Variants in KDELR3 observed in about 807,000 individuals in gnomAD.
KDELR3 encodes the protein ER lumen protein-retaining receptor 3.
KDELR3 carries 26 observed loss-of-function variants against 22.7 expected under a neutral mutation model. The observed-to-expected ratio is 1.15, with a 90% CI of 0.84 to 1.59. The LOEUF is 1.59. Ranked by LOEUF, KDELR3 falls within the 40% of genes most tolerant of loss-of-function variation. KDELR3 has a pLI of 0.00. For missense variants in KDELR3, 289 were observed against 251.1 expected (o/e 1.15, Z -1.02); for synonymous variants, 120 against 98.2 (o/e 1.22, Z -1.31).
chr22:38,469,874 C>G (rs566067388), intron 1 of KDELR3, among the ~76,000 whole-genome samples: 1 of 152,218 alleles, frequency 6.6e-6, no homozygotes, highest in African/African-American at 2.4e-5. Flanking sequence ...AGCTGAAGTA[C>G]TGTGGTGTGA....
Position 38,479,582 on chromosome 22 carries a change from T to C in KDELR3, c.193-11T>C. ...CATAGATTCGATTCCCATGTCTCTC[T>C]CCCCTTTTAGGTGGTTTTTCTCCTC... On this transcript the variant is annotated splice_polypyrimidine_tract_variant and intron_variant, in intron 2 of 4. Coordinates refer to ENST00000216014, the MANE Select transcript of KDELR3 (RefSeq NM_006855.4). The C allele has an allele frequency of 1.2e-6, 2 of 1,609,218 alleles. No individual in the cohort carries two copies. Among genetic ancestry groups the C allele is most frequent in the East Asian group, 2.2e-5 (1 of 44,820 alleles).
rs2089585911 is a variant in KDELR3, at chr22:38,479,713, C to T, written c.313C>T (p.Leu105Phe). 6.2e-7 allele frequency: 1 copy of T among 1,614,176 alleles called. No homozygotes were observed. Among genetic ancestry groups the T allele is most frequent in the South Asian group, 1.1e-5 (1 of 91,076 alleles). Residue 105 changes from leucine (L) to phenylalanine (F), a missense_variant, in exon 3 of 5, where the codon CTT becomes TTT. Physicochemically the swap from Leu to Phe is conservative, Grantham distance 22. Coordinates refer to ENST00000216014, the MANE Select transcript of KDELR3 (RefSeq NM_006855.4). ...GTTTCTTCTGGTCCCAGTCATTGGC[C>T]TTTCCTTCCTTGAAAACTACAGTTT... ...LEFLLVPVIGLSFLENYSFTL... is the reference protein window; with the variant it reads ...LEFLLVPVIGFSFLENYSFTL...
Position 38,474,555 on chromosome 22 carries a change from C to T in KDELR3, c.124C>T (p.Leu42Phe). 1 of 1,614,090 alleles carries T rather than the reference C, an allele frequency of 6.2e-7. No individual in the cohort carries two copies. The highest frequency in any genetic ancestry group is 8.5e-7 in the Non-Finnish European group (1 of 1,180,008). The change falls in exon 2 of 5, where the codon CTC becomes TTC. Residue 42 changes from leucine (L) to phenylalanine (F), a missense_variant. By Grantham distance (22) the Leu-to-Phe change is conservative. Coordinates refer to ENST00000216014, the MANE Select transcript of KDELR3 (RefSeq NM_006855.4). ...ISGKSQILFA[L>F]VFTTRYLDLF... ...TGGGAAGAGCCAGATCCTGTTTGCT[C>T]TCGTCTTCACCACCAGGTACCTGGA...
At chr22:38,475,554 A>G (rs889305807) in intron 2 of KDELR3, among the ~76,000 whole-genome samples, 1 of 152,228 alleles carries the variant, frequency 6.6e-6, no homozygotes, top group Admixed American at 6.5e-5. Flanking sequence ...GCATCTTCAA[A>G]GAGATGACAT....
At chr22:38,478,195 G>C (rs2089572786) in intron 2 of KDELR3, among the ~76,000 whole-genome samples, 1 of 152,094 alleles carries the variant, frequency 6.6e-6, no homozygotes. Flanking sequence ...GAGTGCTCTA[G>C]GCCAGTGTGG....
intron 2 of KDELR3, among the ~76,000 whole-genome samples, chr22:38,477,925 A>G (rs751833607): frequency 3.3e-5 from 5 of 152,210 alleles, no homozygotes; most frequent in Admixed American, 6.5e-5. Flanking sequence ...TATGAAATGA[A>G]AAAGTGACCA....
rs2089519078 is a variant in KDELR3 at position 38,470,634 on chromosome 22, C to A, written c.91+2310C>A. ...AGAGACTTGGGCTTCACTCTCACTC[C>A]TCCCCTTGACTCGCTGTGTGACCCT... On this transcript the variant is annotated intron_variant, in intron 1 of 4. Transcript: ENST00000216014. 3.3e-5 allele frequency among the ~76,000 whole-genome samples: 5 copies of A among 152,134 alleles called. No homozygotes were observed. In the South Asian group the frequency reaches 1.0e-3, roughly 32 times the overall value.
intron 2 of KDELR3, among the ~76,000 whole-genome samples, chr22:38,475,649 TCTCA>T (rs1222209955): frequency 6.6e-6 from 1 of 151,600 alleles, no homozygotes; most frequent in Non-Finnish European, 1.5e-5. Flanking sequence ...TAAGACGGAG[TCTCA>T]CTGTTTTCTG....
intron 4 of KDELR3, 99 bp downstream of exon 4, chr22:38,481,563 C>G: frequency 1.3e-6 from 2 of 1,568,366 alleles, no homozygotes; most frequent in Non-Finnish European, 1.7e-6. Context: ...AGTCAAGTCT[C>G]TGCCATCCAC....
intron 1 of KDELR3, among the ~76,000 whole-genome samples, chr22:38,468,907 G>T (rs1473080206): frequency 6.6e-6 from 1 of 152,238 alleles, no homozygotes; most frequent in Admixed American, 6.5e-5. Flanking sequence ...TGGCTGCCCT[G>T]CTGGGGGTTT....
chr22:38,480,672 G>A (rs1210263243), intron 3 of KDELR3, among the ~76,000 whole-genome samples: 1 of 151,956 alleles, frequency 6.6e-6, no homozygotes, highest in Non-Finnish European at 1.5e-5. Flanking sequence ...AGAATGGAGT[G>A]AACCCAGGAG....
chr22:38,469,992 G>A (rs1368035813), intron 1 of KDELR3, among the ~76,000 whole-genome samples: 4 of 151,888 alleles, frequency 2.6e-5, no homozygotes, highest in Non-Finnish European at 5.9e-5. Flanking sequence ...GCTAATTTTT[G>A]TATTTTTAGT....
intron 1 of KDELR3, among the ~76,000 whole-genome samples, chr22:38,469,133 A>G (rs1276790730): frequency 6.6e-6 from 1 of 152,178 alleles, no homozygotes; most frequent in African/African-American, 2.4e-5. Flanking sequence ...CTGTGGAAGG[A>G]GCAGCTCCGT....
Position 38,481,374 on chromosome 22 carries a change from A to C in KDELR3, c.514A>C (p.Thr172Pro). The change falls in exon 4 of 5, where the codon ACT becomes CCT. Residue 172 changes from threonine (T) to proline (P), a missense_variant. Thr to Pro is a conservative substitution (Grantham distance 38, BLOSUM62 -1). Transcript: ENST00000216014. ...YLANWIRRYQTENFYDQIAVV... is the reference protein window; with the variant it reads ...YLANWIRRYQPENFYDQIAVV... ...GGCTAACTGGATCAGGCGGTACCAG[A>C]CTGAGAATTTCTATGACCAAATTGC... 6 of 1,614,146 alleles carry C rather than the reference A, an allele frequency of 3.7e-6. No individual in the cohort carries two copies. Among genetic ancestry groups the C allele is most frequent in the Non-Finnish European group, 5.1e-6 (6 of 1,180,016 alleles).
chr22:38,475,875 C>T (rs999141927), intron 2 of KDELR3, among the ~76,000 whole-genome samples: 2 of 152,118 alleles, frequency 1.3e-5, no homozygotes, highest in Non-Finnish European at 2.9e-5. Context: ...CTCAAGTGGT[C>T]CACCCACCTC....
intron 2 of KDELR3, among the ~76,000 whole-genome samples, chr22:38,477,096 T>C (rs1160492380): frequency 3.5e-5 from 5 of 144,042 alleles, no homozygotes; most frequent in Non-Finnish European, 7.6e-5. Flanking sequence ...TTTTTTTGTA[T>C]TTTTAATAAA....
chr22:38,481,548 T>G, intron 4 of KDELR3, 84 bp downstream of exon 4: 1 of 1,589,636 alleles, frequency 6.3e-7, no homozygotes, highest in Non-Finnish European at 8.6e-7. Context: ...GATACAGATG[T>G]GAACAGTCAA....
Position 38,481,425 on chromosome 22 carries a change from A to G in KDELR3, c.565A>G (p.Ile189Val). The G allele has an allele frequency of 1.9e-6, 3 of 1,614,084 alleles. No homozygotes were observed. The highest frequency in any genetic ancestry group is 2.2e-5 in the South Asian group (2 of 91,082). ...AGTCGTGTCTGGAGTAGTACAAACCATCTTCTACTGTGACTTCTTCTACTT... is the reference window on the plus strand; with the variant it reads ...AGTCGTGTCTGGAGTAGTACAAACCGTCTTCTACTGTGACTTCTTCTACTT... ...IAVVSGVVQTIFYCDFFYLYV... is the reference protein window; with the variant it reads ...IAVVSGVVQTVFYCDFFYLYV... The change falls in exon 4 of 5, where the codon ATC becomes GTC. Residue 189 changes from isoleucine (I) to valine (V), a missense_variant. Physicochemically the swap from Ile to Val is conservative, Grantham distance 29. Transcript: ENST00000216014.
In KDELR3 at chr22:38,482,918, A is replaced by T. The variant is rs1351109686; in HGVS notation, c.*382A>T. Reference sequence around the variant, plus strand: ...CCTCCTCTTAGAATGTCCCAACTAAAGACCAGTTAAAATATTAGGGTACGT... The same window carrying T: ...CCTCCTCTTAGAATGTCCCAACTAATGACCAGTTAAAATATTAGGGTACGT... On this transcript the variant is annotated 3_prime_UTR_variant, in exon 5 of 5. Transcript: ENST00000216014. The T allele has an allele frequency of 2.4e-5, 5 of 205,414 alleles. No homozygotes were observed. Among genetic ancestry groups the T allele is most frequent in the Non-Finnish European group, 4.9e-5 (5 of 102,840 alleles). The allele number at this position is 205,414 out of a possible 1,614,324, so 12.7% of individuals were successfully genotyped here. A position where few individuals can be genotyped will look rare whatever the true frequency, so the allele number is the denominator to read the frequency against.
Sources: allele counts gnomAD v4.1 joint callset (sites outside exome capture counted in the v4.1 genomes callset), GRCh38; gene constraint gnomAD v4.1.1; transcripts MANE v1.5; gene names NCBI Gene and HGNC (gene_info 2026-07-23, HGNC 2026-07-21).